The following ANK3 variants were observed in gnomAD, a reference collection of about 807,000 sequenced individuals.
ANK3 encodes the protein ankyrin 3.
In ANK3, 57 loss-of-function variants were observed where a neutral mutation model predicts 370.9. The observed-to-expected ratio is 0.15, with a 90% CI of 0.12 to 0.19. The LOEUF (loss-of-function observed/expected upper bound fraction) is 0.19. Among genes scored for constraint, ANK3 ranks in the 10% least tolerant of loss-of-function variants. The pLI, the probability that ANK3 is intolerant of heterozygous loss-of-function variation, is 1.00. For synonymous variants in ANK3, 1,929 were observed against 1,946.3 expected, an observed-to-expected ratio of 0.99 and a Z score of 0.23; for missense variants, 4,439 against 5,302.1, an observed-to-expected ratio of 0.84 and a Z score of 5.06.
chr10:60,027,895 G>A lies in ANK3; in HGVS notation c.*1951C>T, dbSNP rs1189383323. ...TAGACCCCACACCTGGCTGGAGAGG[G>A]CAGGGACAACTTGGCTCTAGCAGGT... On this transcript the variant is annotated 3_prime_UTR_variant, in exon 44 of 44. Coordinates refer to ENST00000280772, the MANE Select transcript of ANK3 (RefSeq NM_020987.5). 2 of 152,206 alleles carry A rather than the reference G, an allele frequency of 1.3e-5. No homozygotes were observed. Among genetic ancestry groups the A allele is most frequent in the East Asian group, 3.9e-4 (2 of 5,190 alleles). 9.4% of individuals were successfully genotyped at this position (152,206 alleles called of 1,614,324 possible).
At chr10:60,059,699 C>T in intron 40 of ANK3, 1 of 1,609,614 alleles carries the variant, frequency 6.2e-7, no homozygotes, top group Non-Finnish European at 8.5e-7. Flanking sequence ...GATACTCACT[C>T]AGACATACAT....
intron 25 of ANK3, among the ~76,000 whole-genome samples, chr10:60,133,842 C>A (rs922790922): frequency 2.6e-5 from 4 of 151,960 alleles, no homozygotes; most frequent in African/African-American, 9.7e-5. Flanking sequence ...TCACTTGAGC[C>A]CAGGAGGCAG....
At chr10:60,402,936 G>T (rs1012981411) in intron 2 of ANK3, among the ~76,000 whole-genome samples, 8 of 152,150 alleles carry the variant, frequency 5.3e-5, no homozygotes, top group East Asian at 1.9e-4. Context: ...GTTTGGGGTG[G>T]TTTGTTATGC....
chr10:60,505,022 T>G (rs2075898593), intron 2 of ANK3, among the ~76,000 whole-genome samples: 1 of 152,118 alleles, frequency 6.6e-6, no homozygotes, highest in Admixed American at 6.6e-5. Flanking sequence ...AAAACTCCCT[T>G]TTTTAGACAC....
rs143982075 is a variant in ANK3 at position 60,424,172 on chromosome 10, C to T, written c.97-144533G>A. On this transcript the variant is annotated intron_variant, in intron 2 of 43. Coordinates refer to the ANK3 transcript ENST00000373827. Reference sequence around the variant, plus strand: ...AGTCACTATACTTAGGGTGACCACACATCCTGGTTTTGGCCAGCACAGCTC... The same window carrying T: ...AGTCACTATACTTAGGGTGACCACATATCCTGGTTTTGGCCAGCACAGCTC... Among the ~76,000 whole-genome samples the T allele has an allele frequency of 4.9e-4, 74 of 152,038 alleles. 2 individuals carry two copies. In the East Asian group the frequency reaches 0.013, roughly 27 times the overall value.
At chr10:60,250,573 G>A (rs1007575300) in intron 7 of ANK3, among the ~76,000 whole-genome samples, 2 of 152,046 alleles carry the variant, frequency 1.3e-5, no homozygotes, top group African/African-American at 4.8e-5. Flanking sequence ...CACCATGTTA[G>A]CCAGGATGGT....
intron 4 of ANK3, among the ~76,000 whole-genome samples, chr10:60,278,191 T>C (rs546421646): frequency 1.3e-5 from 2 of 152,336 alleles, no homozygotes; most frequent in East Asian, 3.9e-4. Flanking sequence ...AAGTTCCTTC[T>C]GCCTGTTTTT....
chr10:60,099,425 A>C (rs1386885671), intron 28 of ANK3, among the ~76,000 whole-genome samples: 1 of 152,146 alleles, frequency 6.6e-6, no homozygotes, highest in Non-Finnish European at 1.5e-5. Context: ...GAAGATATCA[A>C]AGTTCAAAGT....
chr10:60,569,795 A>G (rs1399769061), intron 2 of ANK3, among the ~76,000 whole-genome samples: 3 of 152,126 alleles, frequency 2.0e-5, no homozygotes, highest in Non-Finnish European at 1.5e-5. Context: ...GATTTTTTTT[A>G]TGGAAAATGA....
At chr10:60,570,030 A>G (rs1193641728) in intron 2 of ANK3, among the ~76,000 whole-genome samples, 3 of 152,188 alleles carry the variant, frequency 2.0e-5, no homozygotes, top group Admixed American at 6.6e-5. Flanking sequence ...ATATGTATAC[A>G]TATTTTTCAG....
At chr10:60,380,408 G>A (rs1390538659) in intron 1 of ANK3, among the ~76,000 whole-genome samples, 3 of 152,142 alleles carry the variant, frequency 2.0e-5, no homozygotes, top group Non-Finnish European at 1.5e-5. Context: ...GTGAAGAGTG[G>A]TGGAAAAAGC....
At chr10:60,697,871 A>C (rs1452822726) in intron 1 of ANK3, among the ~76,000 whole-genome samples, 6 of 151,528 alleles carry the variant, frequency 4.0e-5, no homozygotes, top group African/African-American at 1.5e-4. Flanking sequence ...AAAACACCAA[A>C]AGCAATGGCA....
At chr10:60,298,843 C>T (rs2043080040) in intron 1 of ANK3, among the ~76,000 whole-genome samples, 1 of 152,200 alleles carries the variant, frequency 6.6e-6, no homozygotes, top group Non-Finnish European at 1.5e-5. Context: ...AGCCTTATTG[C>T]TCAAACCCTT....
intron 1 of ANK3, among the ~76,000 whole-genome samples, chr10:60,353,764 A>C (rs1405141718): frequency 6.6e-6 from 1 of 152,242 alleles, no homozygotes; most frequent in East Asian, 1.9e-4. Context: ...TTTTAGAATG[A>C]AGACCAATTC....
At position 60,530,273 on chromosome 10, in the gene ANK3, A is replaced by T. The variant is rs201030490; in HGVS notation, c.96+84913T>A. ...AAAATTTTTCTTTGTTCTTTTTTAA[A>T]TTTTTGAGCATCTGGAACCCTGTTT... On this transcript the variant is annotated intron_variant, in intron 2 of 43. Transcript: ENST00000373827. 3.2e-4 allele frequency among the ~76,000 whole-genome samples: 48 copies of T among 152,208 alleles called. No homozygotes were observed. In the East Asian group the frequency reaches 7.4e-3, roughly 23 times the overall value.
chr10:60,499,653 C>T (rs2075747627), intron 2 of ANK3, among the ~76,000 whole-genome samples: 1 of 152,154 alleles, frequency 6.6e-6, no homozygotes, highest in Admixed American at 6.5e-5. Flanking sequence ...ATTCCTATTC[C>T]TACAGAAGAG....
chr10:60,586,584 G>T (rs915621703), intron 2 of ANK3, among the ~76,000 whole-genome samples: 1 of 152,148 alleles, frequency 6.6e-6, no homozygotes, highest in South Asian at 2.1e-4. Context: ...CAGAAGAGCT[G>T]GTTTCTGGCA....
chr10:60,204,326 T>A (rs1241807301), intron 11 of ANK3, among the ~76,000 whole-genome samples: 1 of 152,186 alleles, frequency 6.6e-6, no homozygotes, highest in East Asian at 1.9e-4. Context: ...GGTTGATATC[T>A]CTGGACATTT....
At chr10:60,733,189 C>G (rs1305531882) in intron 1 of ANK3, 1 of 1,211,400 alleles carries the variant, frequency 8.3e-7, no homozygotes, top group Non-Finnish European at 1.0e-6. Context: ...CCGGCCCGGG[C>G]CTCCCGCCCG....
Sources: gnomAD v4.1 joint callset for allele counts (sites outside exome capture counted in the v4.1 genomes callset) on GRCh38, gnomAD v4.1.1 for gene constraint, MANE v1.5 for transcripts, NCBI Gene and HGNC (gene_info 2026-07-23, HGNC 2026-07-21) for gene names.